The following GDF3 variants were observed in gnomAD, a reference collection of about 807,000 sequenced individuals.
The protein encoded by GDF3 is growth differentiation factor 3, also known as growth/differentiation factor 3.
A neutral mutation model predicts 10.2 loss-of-function variants in GDF3; 10 were observed. That is an observed-to-expected ratio of 0.98 (90% CI 0.60 to 1.66). The LOEUF (loss-of-function observed/expected upper bound fraction) is 1.66, where lower values mean the gene tolerates loss of function less well. Ranked by LOEUF, GDF3 falls within the 40% of genes most tolerant of loss-of-function variation. GDF3 has a pLI of 0.00. For missense variants in GDF3, 450 were observed against 438.3 expected, an observed-to-expected ratio of 1.03 and a Z score of -0.24; for synonymous variants, 166 against 178.5, an observed-to-expected ratio of 0.93 and a Z score of 0.56.
intron 1 of GDF3, among the ~76,000 whole-genome samples, chr12:7,693,455 T>G (rs957714562): frequency 1.4e-5 from 2 of 147,978 alleles, no homozygotes; most frequent in Non-Finnish European, 1.5e-5. Flanking sequence ...TTGGCTAGGC[T>G]GGTCTCGAAC....
Position 7,694,704 on chromosome 12 carries a change from A to G in GDF3, c.268+757T>C, listed in dbSNP as rs114360135. On this transcript the variant is annotated intron_variant, in intron 1 of 1. Transcript: ENST00000329913. ...TTCAAATCTTCTCTCCAGTTGCTGT[A>G]AAACTAACCAAGGCTCTAAATTCTG... Among the ~76,000 whole-genome samples the G allele has an allele frequency of 1.3e-3, 202 of 152,192 alleles. 2 individuals carry two copies. The highest frequency in any genetic ancestry group is 4.6e-3 in the African/African-American group (192 of 41,530).
chr12:7,695,493 C>A lies in GDF3; in HGVS notation c.236G>T (p.Arg79Leu), dbSNP rs376010944. 331 of 1,614,102 alleles carry A rather than the reference C, an allele frequency of 2.1e-4. 5 individuals carry two copies. In the South Asian group the frequency reaches 3.5e-3, roughly 17 times the overall value. ...DLCYVKELGVRGNVLRFLPDQ... is the reference protein window; with the variant it reads ...DLCYVKELGVLGNVLRFLPDQ... ...TGGGAGAAAGCGAAGTACATTCCCG[C>A]GGACGCCCAGCTCCTTTACGTAGCA... The change falls in exon 1 of 2, where the codon CGC becomes CTC. Residue 79 changes from arginine to leucine, a missense_variant. By Grantham distance (102) the Arg-to-Leu change is moderately radical (BLOSUM62 -2). Coordinates refer to ENST00000329913, the MANE Select transcript of GDF3 (RefSeq NM_020634.3).
chr12:7,693,674 T>C (rs761246622), intron 1 of GDF3, among the ~76,000 whole-genome samples: 1 of 151,948 alleles, frequency 6.6e-6, no homozygotes, highest in South Asian at 2.1e-4. Flanking sequence ...TGGCTGGGCA[T>C]GGTGGCTCAT....
chr12:7,691,389 G>A (rs1401832930), intron 1 of GDF3, among the ~76,000 whole-genome samples: 2 of 151,836 alleles, frequency 1.3e-5, no homozygotes, highest in African/African-American at 2.4e-5. Flanking sequence ...GTGTTCATAC[G>A]TTTAGTTGTT....
At position 7,690,404 on chromosome 12, in the gene GDF3, C is replaced by G; in HGVS notation, c.569G>C (p.Trp190Ser). Residue 190 changes from tryptophan (W) to serine (S), a missense_variant, in exon 2 of 2, where the codon TGG (tryptophan) becomes TCG (serine). By Grantham distance (177) the Trp-to-Ser change is radical. Coordinates refer to ENST00000329913, the MANE Select transcript of GDF3 (RefSeq NM_020634.3). ...HFNLLDVAKD[W>S]NDNPRKNFGL... ...GAAATTTTTCCGGGGGTTGTCATTC[C>G]AATCCTTAGCTACATCCAGCAGGTT... The G allele has an allele frequency of 6.2e-7, 1 of 1,614,086 alleles. No individual in the cohort carries two copies. Among genetic ancestry groups the G allele is most frequent in the Non-Finnish European group, 8.5e-7 (1 of 1,180,008 alleles).
At chr12:7,692,728 T>A (rs770087000) in intron 1 of GDF3, among the ~76,000 whole-genome samples, 10 of 152,118 alleles carry the variant, frequency 6.6e-5, no homozygotes, top group African/African-American at 1.9e-4. Context: ...GGTCTCAAAC[T>A]CCTGACCTCA....
rs1123137 is a variant in GDF3, at chr12:7,694,464, C to A, written c.268+997G>T. Among the ~76,000 whole-genome samples the A allele has an allele frequency of 2.0e-5, 3 of 151,248 alleles. No individual in the cohort carries two copies. The Admixed American group carries it at 2.0e-4, about 10-fold the overall frequency. On this transcript the variant is annotated intron_variant, in intron 1 of 1. Transcript: ENST00000329913. Reference sequence around the variant, plus strand: ...TGACACACGCCTGTAATCCCAGCTACTTGGGAAGCTGAGGCAGAAGAATCA... The same window carrying A: ...TGACACACGCCTGTAATCCCAGCTAATTGGGAAGCTGAGGCAGAAGAATCA...
chr12:7,693,072 A>T (rs933495948), intron 1 of GDF3, among the ~76,000 whole-genome samples: 2 of 152,148 alleles, frequency 1.3e-5, no homozygotes, highest in Non-Finnish European at 2.9e-5. Flanking sequence ...CTATTCCTCT[A>T]GGAAAAGGCC....
At chr12:7,694,271 G>C (rs770932388) in intron 1 of GDF3, among the ~76,000 whole-genome samples, 1 of 151,948 alleles carries the variant, frequency 6.6e-6, no homozygotes, top group Non-Finnish European at 1.5e-5. Context: ...ATTTTTAAAA[G>C]GTAATTCTGG....
At chr12:7,694,370 C>T (rs1399450854) in intron 1 of GDF3, among the ~76,000 whole-genome samples, 2 of 151,798 alleles carry the variant, frequency 1.3e-5, no homozygotes, top group Admixed American at 6.6e-5. Context: ...CAAGACCAGC[C>T]TGGCCAACAT....
Position 7,690,446 on chromosome 12 carries a change from T to G in GDF3, c.527A>C (p.Gln176Pro). The part of the protein sequence containing the change: ...MFVLRSVPWP[Q>P]GAVHFNLLDV... The stretch of plus-strand genomic sequence containing the variant: ...CAGCAGGTTGAAGTGAACAGCACCT[T>G]GTGGCCATGGGACTGACCGCAACAC... The change falls in exon 2 of 2, where the codon CAA (glutamine) becomes CCA (proline). Residue 176 changes from glutamine (Q) to proline (P), a missense_variant. Gln to Pro is a moderately conservative substitution (Grantham distance 76). Coordinates refer to ENST00000329913, the MANE Select transcript of GDF3 (RefSeq NM_020634.3). 6.2e-7 allele frequency: 1 copy of G among 1,614,112 alleles called. No homozygotes were observed. Among genetic ancestry groups the G allele is most frequent in the Non-Finnish European group, 8.5e-7 (1 of 1,179,996 alleles).
In GDF3 at chr12:7,690,165, A is replaced by G; in HGVS notation, c.808T>C (p.Phe270Leu). 1 of 1,614,164 alleles carries G rather than the reference A, an allele frequency of 6.2e-7. No homozygotes were observed. ...CKNLCHRHQL[F>L]INFRDLGWHK... ...CAACCCAGGTCCCGGAAGTTAATGAATAGCTGGTGACGGTGGCAGAGGTTC... is the reference window on the plus strand; with the variant it reads ...CAACCCAGGTCCCGGAAGTTAATGAGTAGCTGGTGACGGTGGCAGAGGTTC... The change falls in exon 2 of 2, where the codon TTC (phenylalanine) becomes CTC (leucine). Residue 270 changes from phenylalanine to leucine, a missense_variant. By Grantham distance (22) the Phe-to-Leu change is conservative. Coordinates refer to ENST00000329913, the MANE Select transcript of GDF3 (RefSeq NM_020634.3).
intron 1 of GDF3, among the ~76,000 whole-genome samples, chr12:7,695,152 C>A (rs1864168965): frequency 6.6e-6 from 1 of 152,120 alleles, no homozygotes; most frequent in Non-Finnish European, 1.5e-5. Context: ...TCTTTCATCT[C>A]AACTGAAGCA....
At chr12:7,693,172 T>C (rs935990787) in intron 1 of GDF3, among the ~76,000 whole-genome samples, 12 of 152,084 alleles carry the variant, frequency 7.9e-5, no homozygotes, top group African/African-American at 2.9e-4. Flanking sequence ...TTTTGTTTGG[T>C]AGAATGACTT....
chr12:7,694,959 T>C (rs1446079555), intron 1 of GDF3, among the ~76,000 whole-genome samples: 1 of 152,108 alleles, frequency 6.6e-6, no homozygotes, highest in Non-Finnish European at 1.5e-5. Flanking sequence ...TTGCTCTCTA[T>C]TCACAAATCT....
At chr12:7,695,415 C>G (rs372322656) in intron 1 of GDF3, 46 bp downstream of exon 1, 7 of 1,568,510 alleles carry the variant, frequency 4.5e-6, no homozygotes, top group Non-Finnish European at 6.1e-6. Flanking sequence ...TTTCTTCACA[C>G]CACCCAGTTC....
chr12:7,691,974 T>C (rs1864135686), intron 1 of GDF3, among the ~76,000 whole-genome samples: 1 of 151,218 alleles, frequency 6.6e-6, no homozygotes, highest in Non-Finnish European at 1.5e-5. Context: ...GCCACTGCAC[T>C]CCAGCCTGGG....
intron 1 of GDF3, among the ~76,000 whole-genome samples, chr12:7,693,371 ATTT>A (rs71038719): frequency 1.0e-4 from 10 of 95,954 alleles, no homozygotes; most frequent in Admixed American, 4.7e-4. Flanking sequence ...CACCTGGCTA[ATTT>A]TTTTTTTTTT....
chr12:7,694,448 C>T (rs1370987027), intron 1 of GDF3, among the ~76,000 whole-genome samples: 1 of 151,064 alleles, frequency 6.6e-6, no homozygotes, highest in East Asian at 1.9e-4. Context: ...GTGACACACG[C>T]CTGTAATCCC....
Sources: allele counts gnomAD v4.1 joint callset (sites outside exome capture counted in the v4.1 genomes callset), GRCh38; gene constraint gnomAD v4.1.1; transcripts MANE v1.5; gene names NCBI Gene and HGNC (gene_info 2026-07-23, HGNC 2026-07-21).